The following UQCRC1 variants were observed in gnomAD, a reference collection of about 807,000 sequenced individuals.
The protein encoded by UQCRC1 is cytochrome b-c1 complex subunit 1, mitochondrial.
In UQCRC1, 34 loss-of-function variants were observed where a neutral mutation model predicts 58.0. The observed-to-expected ratio is 0.59, with a 90% CI of 0.45 to 0.78. The LOEUF (loss-of-function observed/expected upper bound fraction) is 0.78. Ranked by LOEUF, UQCRC1 falls within the 30% of genes least tolerant of loss-of-function variation. The probability of loss-of-function intolerance (pLI) is 0.00; values close to 1 mark genes in which losing one functional copy is unlikely to be tolerated. For missense variants in UQCRC1, 610 were observed against 646.0 expected (o/e 0.94, Z 0.60); for synonymous variants, 276 against 248.8 (o/e 1.11, Z -1.03).
chr3:48,599,832 G>A (rs2046345595), intron 11 of UQCRC1, 122 bp from the exon 12 acceptor site: 5 of 1,172,952 alleles, frequency 4.3e-6, no homozygotes, highest in Admixed American at 1.8e-5. Context: ...CAGCCCAAAA[G>A]AGGAAAGGCA....
In UQCRC1 at chr3:48,604,357, T is replaced by C; in HGVS notation, c.502A>G (p.Ile168Val). 1 of 1,614,178 alleles carries C rather than the reference T, an allele frequency of 6.2e-7. No individual in the cohort carries two copies. The highest frequency in any genetic ancestry group is 8.5e-7 in the Non-Finnish European group (1 of 1,180,040). The stretch of plus-strand genomic sequence containing the variant: ...TCATTCTCCTGCATCTCCCGCAGGA[T>C]CACATCACGTTCCTTCTCAATCTGT... ...DSQIEKERDV[I>V]LREMQENDAS... Residue 168 changes from isoleucine to valine, a missense_variant, in exon 5 of 13, where the codon ATC becomes GTC. By Grantham distance (29) the Ile-to-Val change is conservative. Coordinates refer to ENST00000203407, the MANE Select transcript of UQCRC1 (RefSeq NM_003365.3).
In UQCRC1 at chr3:48,609,597, C is replaced by G; in HGVS notation, c.24G>C (p.Arg8=). ...GCACTTGTGCCCCGGCGGTAGCGGC[C>G]CGACAGACCACGGACGCCGCCATCT... The part of the protein sequence containing the change: MAASVVC[R]AATAGAQVLL... Residue 8 remains arginine (R), a synonymous_variant, in exon 1 of 13, where the codon CGG becomes CGC. Transcript: ENST00000203407. 1 of 1,571,230 alleles carries G rather than the reference C, an allele frequency of 6.4e-7. No individual in the cohort carries two copies.
chr3:48,604,094 A>G (rs1225935634), intron 5 of UQCRC1, 139 bp downstream of exon 5: 2 of 911,342 alleles, frequency 2.2e-6, no homozygotes, highest in African/African-American at 1.7e-5. Context: ...ACTGGACCAC[A>G]TGGATACAGA....
rs761693806 is a variant in UQCRC1, at chr3:48,600,158, G to A, written c.1214-7C>T. ...TCACACACAGGAGTAGTGCCTTTAA[G>A]GGTGAGAGAAGGCTCAGAGGTCCAC... On this transcript the variant is annotated splice_region_variant and splice_polypyrimidine_tract_variant and intron_variant, in intron 10 of 12. Transcript: ENST00000203407. 3.1e-6 allele frequency: 5 copies of A among 1,614,020 alleles called. No individual in the cohort carries two copies. The Admixed American group carries it at 6.7e-5, about 22-fold the overall frequency.
chr3:48,609,094 A>G, intron 2 of UQCRC1, 68 bp downstream of exon 2: 2 of 1,550,154 alleles, frequency 1.3e-6, no homozygotes, highest in Non-Finnish European at 1.8e-6. Context: ...CCAAGGTCAC[A>G]CCCCAACCAG....
intron 12 of UQCRC1, 145 bp downstream of exon 12, chr3:48,599,490 G>T: frequency 1.1e-6 from 1 of 875,618 alleles, no homozygotes; most frequent in Non-Finnish European, 1.7e-6. Flanking sequence ...GAACTCCCTG[G>T]CAGCCAGGGG....
At chr3:48,602,120 A>C (rs1233331808) in intron 6 of UQCRC1, among the ~76,000 whole-genome samples, 1 of 148,358 alleles carries the variant, frequency 6.7e-6, no homozygotes, top group South Asian at 2.1e-4. Context: ...GTGCAATCTC[A>C]GCTAACTGCA....
Position 48,604,679 on chromosome 3 carries a change from G to GA in UQCRC1, c.398dup (p.Lys134GlnfsTer16). ...TCGGCAGATCCTTGGACAGCGCCTT[G>GA]ATGTAGTAAGCTGTGTGCTCCCGGG... On this transcript the variant is annotated frameshift_variant, in exon 4 of 13. Coordinates refer to ENST00000203407, the MANE Select transcript of UQCRC1 (RefSeq NM_003365.3). LOFTEE classifies it high-confidence loss of function. 1 of 1,614,194 alleles carries GA rather than the reference G, an allele frequency of 6.2e-7. No individual in the cohort carries two copies.
chr3:48,608,544 A>G (rs2046434026), intron 2 of UQCRC1, among the ~76,000 whole-genome samples: 1 of 152,268 alleles, frequency 6.6e-6, no homozygotes, highest in Admixed American at 6.5e-5. Context: ...AAATCGCAGG[A>G]CATTGTTTCT....
At chr3:48,604,503 GCCTGGCATCT>G (rs761032562) in intron 4 of UQCRC1, 72 bp from the exon 5 acceptor site, 19 of 1,589,142 alleles carry the variant, frequency 1.2e-5, no homozygotes, top group Non-Finnish European at 1.5e-5. Flanking sequence ...AAATCCCCAG[GCCTGGCATCT>G]CCTGCTGCCC....
rs11539918 is a variant in UQCRC1, at chr3:48,609,275, G to C, written c.97C>G (p.Arg33Gly). 7 of 1,610,608 alleles carry C rather than the reference G, an allele frequency of 4.3e-6. No individual in the cohort carries two copies. The highest frequency in any genetic ancestry group is 5.9e-6 in the Non-Finnish European group (7 of 1,178,084). ...GCCTGAGCGAAGGTTGCCGTACTCC[G>C]CAAGGCTGGCGTCCGCAGCAGGGCC... ...SPALLRTPAL[R>G]STATFAQALQ... The change falls in exon 2 of 13, where the codon CGG (arginine) becomes GGG (glycine). Residue 33 changes from arginine (R) to glycine (G), a missense_variant. Transcript: ENST00000203407.
At chr3:48,600,889 C>T in intron 8 of UQCRC1, 49 bp from the exon 9 acceptor site, 5 of 1,612,070 alleles carry the variant, frequency 3.1e-6, no homozygotes, top group South Asian at 1.1e-5. Flanking sequence ...CTTCAACGCA[C>T]ACTGTGACCC....
Position 48,609,594 on chromosome 3 carries a change from G to C in UQCRC1, c.27C>G (p.Ala9=). 1 of 1,571,194 alleles carries C rather than the reference G, an allele frequency of 6.4e-7. No homozygotes were observed. Among genetic ancestry groups the C allele is most frequent in the Non-Finnish European group, 8.6e-7 (1 of 1,162,796 alleles). Residue 9 remains alanine (A), a synonymous_variant, in exon 1 of 13, where the codon GCC becomes GCG. Coordinates refer to ENST00000203407, the MANE Select transcript of UQCRC1 (RefSeq NM_003365.3). MAASVVCR[A]ATAGAQVLLR... ...ATAGCACTTGTGCCCCGGCGGTAGCGGCCCGACAGACCACGGACGCCGCCA... is the reference window on the plus strand; with the variant it reads ...ATAGCACTTGTGCCCCGGCGGTAGCCGCCCGACAGACCACGGACGCCGCCA...
intron 2 of UQCRC1, among the ~76,000 whole-genome samples, chr3:48,606,899 G>C (rs1271030384): frequency 1.4e-5 from 2 of 147,736 alleles, no homozygotes; most frequent in African/African-American, 5.0e-5. Context: ...GTCTCACTCT[G>C]TCACGAGACG....
chr3:48,604,291 T>C lies in UQCRC1; in HGVS notation c.568A>G (p.Thr190Ala), dbSNP rs1352931779. 5 of 1,613,556 alleles carry C rather than the reference T, an allele frequency of 3.1e-6. No homozygotes were observed. The highest frequency in any genetic ancestry group is 4.2e-6 in the Non-Finnish European group (5 of 1,180,046). The change falls in exon 5 of 13, where the codon ACA becomes GCA. Residue 190 changes from threonine to alanine, a missense_variant. Transcript: ENST00000203407. The stretch of plus-strand genomic sequence containing the variant: ...GCTAGAGGTGTGCCCTGGAATGCTG[T>C]GGCATGCAGGTAGTTAAAGACCACA... Reference protein sequence around the residue: ...RDVVFNYLHATAFQGTPLAQA... With the variant: ...RDVVFNYLHAAAFQGTPLAQA...
chr3:48,606,337 T>C (rs776040083), intron 2 of UQCRC1, among the ~76,000 whole-genome samples: 1 of 152,348 alleles, frequency 6.6e-6, no homozygotes, highest in Non-Finnish European at 1.5e-5. Flanking sequence ...CACTAAATAT[T>C]GTTCCTATAA....
chr3:48,600,913 C>T, intron 8 of UQCRC1, 62 bp downstream of exon 8: 1 of 1,607,714 alleles, frequency 6.2e-7, no homozygotes, highest in South Asian at 1.1e-5. Context: ...CGCACAGGAG[C>T]ACACAGCCCC....
rs750241389 is a variant in UQCRC1 at position 48,600,929 on chromosome 3, CCT to C, written c.966+44_966+45del. On this transcript the variant is annotated intron_variant, in intron 8 of 12. Coordinates refer to ENST00000203407, the MANE Select transcript of UQCRC1 (RefSeq NM_003365.3). The stretch of plus-strand genomic sequence containing the variant: ...GCACAGGAGCACACAGCCCCAGCAC[CCT>C]CTCTTCCCTGAAGGCGAGGTCCCAT... 10 of 1,602,854 alleles carry C rather than the reference CCT, an allele frequency of 6.2e-6. No homozygotes were observed. The East Asian group carries it at 1.1e-4, about 18-fold the overall frequency.
At chr3:48,604,846 G>A (rs1048436540) in intron 3 of UQCRC1, 66 bp from the exon 4 acceptor site, 10 of 1,599,676 alleles carry the variant, frequency 6.3e-6, no homozygotes, top group African/African-American at 4.0e-5. Flanking sequence ...TGTCCTCAGA[G>A]GCTAAACACC....
Sources: gnomAD v4.1 joint callset for allele counts (sites outside exome capture counted in the v4.1 genomes callset) on GRCh38, gnomAD v4.1.1 for gene constraint, MANE v1.5 for transcripts, NCBI Gene and HGNC (gene_info 2026-07-23, HGNC 2026-07-21) for gene names.